Variants in CDH4 observed in about 807,000 individuals in gnomAD.
CDH4 encodes cadherin 4.
CDH4 carries 33 observed loss-of-function variants against 86.0 expected under a neutral mutation model. That is an observed-to-expected ratio of 0.38 (90% CI 0.29 to 0.51). CDH4 has a LOEUF of 0.51. CDH4 is among the 20% of genes least tolerant of loss of function. The pLI, the probability that CDH4 is intolerant of heterozygous loss-of-function variation, is 0.86. For synonymous variants in CDH4, 555 were observed against 549.4 expected (o/e 1.01, Z -0.14); for missense variants, 1,114 against 1,307.4 (o/e 0.85, Z 2.28).
At chr20:61,705,389 G>A (rs572240674) in intron 2 of CDH4, among the ~76,000 whole-genome samples, 13 of 152,252 alleles carry the variant, frequency 8.5e-5, no homozygotes, top group East Asian at 1.9e-4. Context: ...GAGGGAGCAC[G>A]TTCAGCCCTT....
At chr20:61,903,216 C>G (rs1040298052) in intron 8 of CDH4, among the ~76,000 whole-genome samples, 5 of 152,138 alleles carry the variant, frequency 3.3e-5, no homozygotes, top group African/African-American at 1.2e-4. Flanking sequence ...CCAAAGCAGT[C>G]ACAGCCCCTG....
At chr20:61,436,074 G>A (rs763759364) in intron 2 of CDH4, among the ~76,000 whole-genome samples, 2 of 152,112 alleles carry the variant, frequency 1.3e-5, no homozygotes, top group Non-Finnish European at 2.9e-5. Flanking sequence ...GGCTAGCCCT[G>A]CTCATGCTCC....
intron 2 of CDH4, among the ~76,000 whole-genome samples, chr20:61,453,085 AT>A (rs1221626713): frequency 6.6e-6 from 1 of 152,228 alleles, no homozygotes; most frequent in African/African-American, 2.4e-5. Context: ...CTGGGAAGTA[AT>A]TATATGAGTT....
At chr20:61,779,158 A>G (rs759943231) in intron 4 of CDH4, among the ~76,000 whole-genome samples, 4 of 152,238 alleles carry the variant, frequency 2.6e-5, no homozygotes, top group Admixed American at 6.5e-5. Context: ...AAGAGCATCT[A>G]TTGCTTGGCT....
chr20:61,510,219 C>T lies in CDH4; in HGVS notation c.170-233344C>T, dbSNP rs182288256. ...CCAGCATCTATGCGCTCAGCACTCC[C>T]GCTCGTGGAGCTCAGGAAAGGACAC... On this transcript the variant is annotated intron_variant, in intron 2 of 15. Transcript: ENST00000614565. The surrounding 1 kb of genome is among the most constrained non-coding windows in gnomAD (Gnocchi z 4.2). Among the ~76,000 whole-genome samples, 171 of 152,302 alleles carry T rather than the reference C, an allele frequency of 1.1e-3. 1 individual carries two copies. Among genetic ancestry groups the T allele is most frequent in the African/African-American group, 3.8e-3 (159 of 41,560 alleles).
intron 7 of CDH4, among the ~76,000 whole-genome samples, chr20:61,890,940 A>G (rs1270148647): frequency 1.3e-5 from 2 of 152,124 alleles, no homozygotes; most frequent in Non-Finnish European, 2.9e-5. Flanking sequence ...AGCCTACAGC[A>G]GATGTGGGCA....
intron 3 of CDH4, among the ~76,000 whole-genome samples, chr20:61,769,366 T>C (rs1449768229): frequency 6.6e-6 from 1 of 152,206 alleles, no homozygotes; most frequent in African/African-American, 2.4e-5. Context: ...AGCTCAGACC[T>C]GTTTCTCCCC....
intron 4 of CDH4, among the ~76,000 whole-genome samples, chr20:61,804,567 T>G (rs1007887016): frequency 6.6e-6 from 1 of 152,192 alleles, no homozygotes; most frequent in Non-Finnish European, 1.5e-5. Context: ...TGCCCTCTCC[T>G]TACCATATGG....
At chr20:61,745,924 C>A (rs1568792311) in intron 3 of CDH4, among the ~76,000 whole-genome samples, 1 of 152,220 alleles carries the variant, frequency 6.6e-6, no homozygotes, top group East Asian at 1.9e-4. Context: ...TCCCCTGATC[C>A]TCTGCAGAAG....
intron 3 of CDH4, among the ~76,000 whole-genome samples, 163 bp from the exon 4 acceptor site, chr20:61,772,840 T>C (rs780338418): frequency 1.8e-4 from 28 of 151,846 alleles, no homozygotes; most frequent in Non-Finnish European, 3.4e-4. Flanking sequence ...TAATAGTTCC[T>C]TTCCCAGCGT....
intron 2 of CDH4, among the ~76,000 whole-genome samples, chr20:61,495,824 A>G (rs1480552819): frequency 6.8e-6 from 1 of 148,010 alleles, no homozygotes; most frequent in African/African-American, 2.5e-5. Flanking sequence ...AATCATTTGA[A>G]CTCAGGTGGT....
chr20:61,922,962 T>A (rs1449464389), intron 9 of CDH4, among the ~76,000 whole-genome samples: 1 of 152,190 alleles, frequency 6.6e-6, no homozygotes, highest in Non-Finnish European at 1.5e-5. Flanking sequence ...AACTTACATG[T>A]ACAAAGACGC....
rs1419000167 is a variant in CDH4 at position 61,800,532 on chromosome 20, C to T, written c.576+27350C>T. Among the ~76,000 whole-genome samples, 12 of 152,348 alleles carry T rather than the reference C, an allele frequency of 7.9e-5. No homozygotes were observed. In the East Asian group the frequency reaches 2.1e-3, roughly 27 times the overall value. ...CGCCCCCCACAGAAAGGAAATGGAG[C>T]CCAGAGAGGGTAAAACACCTGCCCA... is the stretch of plus-strand genomic sequence containing the variant. On this transcript the variant is annotated intron_variant, in intron 4 of 15. Transcript: ENST00000614565.
intron 4 of CDH4, among the ~76,000 whole-genome samples, chr20:61,794,377 T>C (rs1432380253): frequency 6.6e-6 from 1 of 152,166 alleles, no homozygotes; most frequent in African/African-American, 2.4e-5. Flanking sequence ...AAGCCAGCCC[T>C]GGGAACCCGT....
intron 2 of CDH4, among the ~76,000 whole-genome samples, chr20:61,543,666 G>T (rs1191017077): frequency 6.6e-6 from 1 of 152,182 alleles, no homozygotes; most frequent in African/African-American, 2.4e-5. Context: ...TTCAGTCAGG[G>T]GGCTGGTGTG....
intron 2 of CDH4, among the ~76,000 whole-genome samples, chr20:61,300,577 G>A (rs112445407): frequency 1.3e-5 from 2 of 152,232 alleles, no homozygotes; most frequent in African/African-American, 4.8e-5. Flanking sequence ...TCGCTTCTTC[G>A]GCCTGGCCTG....
intron 4 of CDH4, among the ~76,000 whole-genome samples, chr20:61,828,410 A>C (rs1253666751): frequency 6.6e-6 from 1 of 152,228 alleles, no homozygotes; most frequent in Non-Finnish European, 1.5e-5. Flanking sequence ...CATAGGGAGA[A>C]GCCAGCAAAA....
chr20:61,735,784 G>A (rs1418191447), intron 2 of CDH4, among the ~76,000 whole-genome samples: 1 of 152,140 alleles, frequency 6.6e-6, no homozygotes, highest in African/African-American at 2.4e-5. Flanking sequence ...TCCTTTTCCT[G>A]GCTCTTGAAT....
rs575574744 is a variant in CDH4 at position 61,721,452 on chromosome 20, A to C, written c.170-22111A>C. On this transcript the variant is annotated intron_variant, in intron 2 of 15. Coordinates refer to ENST00000614565, the MANE Select transcript of CDH4 (RefSeq NM_001794.5). ...CCTGCTTCTCAGTGTCTAAATCATC[A>C]GAAAAAAAATCATTTCTGGTTCATT... Among the ~76,000 whole-genome samples the C allele has an allele frequency of 5.3e-5, 8 of 152,318 alleles. No homozygotes were observed. The South Asian group carries it at 1.7e-3, about 32-fold the overall frequency.
Sources: gnomAD v4.1 joint callset for allele counts (sites outside exome capture counted in the v4.1 genomes callset) on GRCh38, gnomAD v4.1.1 for gene constraint, Gnocchi (gnomAD v3.1) non-coding constraint, MANE v1.5 for transcripts, NCBI Gene and HGNC (gene_info 2026-07-23, HGNC 2026-07-21) for gene names.